Variants in IQSEC1 observed in about 807,000 individuals in gnomAD.
IQSEC1 encodes the protein IQ motif and Sec7 domain ArfGEF 1.
IQSEC1 carries 31 observed loss-of-function variants against 91.0 expected under a neutral mutation model. The observed-to-expected ratio is 0.34, with a 90% CI of 0.26 to 0.46. IQSEC1 has a LOEUF of 0.46. Ranked by LOEUF, IQSEC1 falls within the 20% of genes least tolerant of loss-of-function variation. The probability of loss-of-function intolerance (pLI) is 1.00; values close to 1 mark genes in which losing one functional copy is unlikely to be tolerated. For missense variants in IQSEC1, 1,388 were observed against 1,575.6 expected, an observed-to-expected ratio of 0.88 and a Z score of 2.02; for synonymous variants, 699 against 662.6, an observed-to-expected ratio of 1.05 and a Z score of -0.84.
chr3:13,234,313 G>A (rs533968818), intron 1 of IQSEC1, among the ~76,000 whole-genome samples: 6 of 132,584 alleles, frequency 4.5e-5, no homozygotes, highest in African/African-American at 8.0e-5. Flanking sequence ...TCCTGTGTCT[G>A]TGTGTGCCTG....
rs141138106 is a variant in IQSEC1 at position 13,144,111 on chromosome 3, C to T, written c.302+19993G>A. On this transcript the variant is annotated intron_variant, in intron 2 of 15. Transcript: ENST00000648114. ...AATCATGAATTCAAGCAGTATCTGT[C>T]GAGGGTGTGCTACAGGCTGGGCCAC... Among the ~76,000 whole-genome samples the T allele has an allele frequency of 1.8e-4, 28 of 152,294 alleles. No homozygotes were observed. In the South Asian group the frequency reaches 2.7e-3, roughly 15 times the overall value.
At chr3:13,131,535 G>A (rs1201592764) in intron 2 of IQSEC1, among the ~76,000 whole-genome samples, 2 of 138,334 alleles carry the variant, frequency 1.4e-5, no homozygotes. Context: ...CACCCAGACT[G>A]GAGTGCAGTG....
intron 2 of IQSEC1, among the ~76,000 whole-genome samples, chr3:13,163,379 C>T (rs936415771): frequency 3.9e-5 from 6 of 152,158 alleles, no homozygotes; most frequent in African/African-American, 9.7e-5. Context: ...ACTGGGGGTC[C>T]GTGGGCTCTT....
chr3:13,193,607 G>C lies in IQSEC1; in HGVS notation c.273-29474C>G, dbSNP rs1694073450. Among the ~76,000 whole-genome samples, 1 of 152,180 alleles carries C rather than the reference G, an allele frequency of 6.6e-6. No individual in the cohort carries two copies. The highest frequency in any genetic ancestry group is 2.4e-5 in the African/African-American group (1 of 41,440). ...TGCAGTTTAGGGGGTGAGGAGAGAA[G>C]TATCATGAGTTCAGTTTGGGGTGTG... On this transcript the variant is annotated intron_variant, in intron 1 of 15. Transcript: ENST00000648114. The surrounding 1 kb of genome is among the most constrained non-coding windows in gnomAD (Gnocchi z 4.2).
rs140911840 is a variant in IQSEC1 at position 12,937,610 on chromosome 3, G to A, written c.319-913C>T. On this transcript the variant is annotated intron_variant, in intron 2 of 13. Transcript: ENST00000613206. Reference sequence around the variant, plus strand: ...AAGCACTGAGCCCATGCAGTTCCTCGGTTTCCTCATCTATTAAATGGGGTA... The same window carrying A: ...AAGCACTGAGCCCATGCAGTTCCTCAGTTTCCTCATCTATTAAATGGGGTA... Among the ~76,000 whole-genome samples, 90 of 152,304 alleles carry A rather than the reference G, an allele frequency of 5.9e-4. 2 individuals are homozygous for A. Among genetic ancestry groups the A allele is most frequent in the African/African-American group, 1.8e-3 (76 of 41,566 alleles).
At chr3:13,161,342 C>T (rs1364774378) in intron 2 of IQSEC1, among the ~76,000 whole-genome samples, 2 of 152,208 alleles carry the variant, frequency 1.3e-5, no homozygotes, top group East Asian at 3.9e-4. Context: ...GTTTTCCAAC[C>T]TCCCCTCTAG....
rs4034193 is a variant in IQSEC1, at chr3:13,277,106, T to TAAA, written c.272+5602_272+5604dup. On this transcript the variant is annotated intron_variant, in intron 1 of 15. Transcript: ENST00000648114. ...AGTTAGGCAAAGCATTGCTCCTCCT[T>TAAA]AAAAAAAAAAAAAAAAAAAAAAAAA... Among the ~76,000 whole-genome samples the TAAA allele has an allele frequency of 2.4e-3, 86 of 35,988 alleles. 5 individuals carry two copies. Among genetic ancestry groups the TAAA allele is most frequent in the African/African-American group, 2.9e-3 (22 of 7,474 alleles). The allele number at this position is 35,988 out of a possible 152,430, so 23.6% of individuals were successfully genotyped here.
Position 12,935,168 on chromosome 3 carries a change from C to T in IQSEC1, c.1568+280G>A, listed in dbSNP as rs1402410893. Among the ~76,000 whole-genome samples the T allele has an allele frequency of 1.3e-5, 2 of 152,166 alleles. No individual in the cohort carries two copies. Among genetic ancestry groups the T allele is most frequent in the African/African-American group, 2.4e-5 (1 of 41,442 alleles). Reference sequence around the variant, plus strand: ...TATGGCGGACTTGGGGGGGATGGGACGGAAGGGCCCGGGACTCAAGTTGCT... The same window carrying T: ...TATGGCGGACTTGGGGGGGATGGGATGGAAGGGCCCGGGACTCAAGTTGCT... On this transcript the variant is annotated intron_variant, in intron 3 of 13. Coordinates refer to ENST00000613206, the MANE Select transcript of IQSEC1 (RefSeq NM_001134382.3). The surrounding 1 kb of genome is among the most constrained non-coding windows in gnomAD (Gnocchi z 8.0).
intron 13 of IQSEC1, 47 bp downstream of exon 13, chr3:12,902,726 G>A (rs768542835): frequency 7.8e-7 from 1 of 1,287,476 alleles, no homozygotes; most frequent in South Asian, 1.2e-5. Flanking sequence ...GAGGACTGGG[G>A]AAGGCGACAC....
intron 1 of IQSEC1, among the ~76,000 whole-genome samples, chr3:12,966,314 G>T (rs1057485871): frequency 6.6e-6 from 1 of 152,214 alleles, no homozygotes; most frequent in Non-Finnish European, 1.5e-5. Context: ...ACATATGCAT[G>T]TTCTCAGTGC....
intron 1 of IQSEC1, among the ~76,000 whole-genome samples, chr3:13,202,486 G>C (rs1694262306): frequency 6.6e-6 from 1 of 152,272 alleles, no homozygotes; most frequent in South Asian, 2.1e-4. Flanking sequence ...ATTCAACATG[G>C]ATGAACCTTG....
intron 1 of IQSEC1, among the ~76,000 whole-genome samples, chr3:13,205,901 C>G (rs1351849323): frequency 6.8e-6 from 1 of 148,084 alleles, no homozygotes. Context: ...TCCCCCATCC[C>G]CCATCCATCC....
chr3:13,247,671 G>A (rs899067292), intron 1 of IQSEC1, among the ~76,000 whole-genome samples: 7 of 152,168 alleles, frequency 4.6e-5, no homozygotes, highest in South Asian at 2.1e-4. Flanking sequence ...CACATCAGCC[G>A]CCTTCTCACT....
intron 1 of IQSEC1, among the ~76,000 whole-genome samples, chr3:13,203,164 T>TACACAC (rs10533324): frequency 6.8e-5 from 10 of 148,120 alleles, no homozygotes; most frequent in Middle Eastern, 3.5e-3. Flanking sequence ...TTACCACTAC[T>TACACAC]ACACACACAC....
intron 1 of IQSEC1, among the ~76,000 whole-genome samples, chr3:13,212,647 C>G (rs192394948): frequency 6.6e-6 from 1 of 152,170 alleles, no homozygotes; most frequent in Non-Finnish European, 1.5e-5. Flanking sequence ...CATGAGGGCT[C>G]GTTTCTCCAC....
chr3:13,148,073 C>T (rs1706926972), intron 2 of IQSEC1, among the ~76,000 whole-genome samples: 2 of 152,244 alleles, frequency 1.3e-5, no homozygotes, highest in Admixed American at 6.5e-5. Context: ...TACTAACTTA[C>T]ACCACCAGCA....
intron 2 of IQSEC1, among the ~76,000 whole-genome samples, chr3:13,161,508 T>G (rs1295178468): frequency 6.6e-6 from 1 of 152,010 alleles, no homozygotes. Flanking sequence ...ATCTGGGACC[T>G]CTGGTCCTGA....
At chr3:13,006,383 C>T (rs138345750) in intron 1 of IQSEC1, among the ~76,000 whole-genome samples, 1,640 of 152,242 alleles carry the variant, frequency 0.011, 23 homozygotes, top group African/African-American at 0.037. Context: ...GCTTGTCTGC[C>T]ATTGTGGGGG....
intron 1 of IQSEC1, among the ~76,000 whole-genome samples, chr3:13,025,340 C>T (rs114691570): frequency 6.6e-6 from 1 of 152,356 alleles, no homozygotes; most frequent in African/African-American, 2.4e-5. Flanking sequence ...AAGTCACTGC[C>T]GCCCAGGCAA....
Sources: allele counts gnomAD v4.1 joint callset (sites outside exome capture counted in the v4.1 genomes callset), GRCh38; gene constraint gnomAD v4.1.1; non-coding constraint Gnocchi (gnomAD v3.1); transcripts MANE v1.5; gene names NCBI Gene and HGNC (gene_info 2026-07-23, HGNC 2026-07-21).